NRCAM: variants seen among roughly 807,000 people sequenced by gnomAD.
NRCAM encodes the protein NgCAM-related cell adhesion molecule.
Under a neutral mutation model 156.5 loss-of-function variants are expected in NRCAM, and 83 were observed. The ratio of observed to expected loss-of-function variants is 0.53; its 90% CI spans 0.44 to 0.64. The LOEUF is 0.64. Ranked by LOEUF, NRCAM falls within the 30% of genes least tolerant of loss-of-function variation. The pLI is 0.00. For synonymous variants in NRCAM, 538 were observed against 563.9 expected (o/e 0.95, Z 0.65); for missense variants, 1,417 against 1,597.3 (o/e 0.89, Z 1.92).
At chr7:108,227,124 G>A (rs2093600899) in intron 8 of NRCAM, among the ~76,000 whole-genome samples, 1 of 152,142 alleles carries the variant, frequency 6.6e-6, no homozygotes. Flanking sequence ...TTAAGCTCCA[G>A]GACGGTGAAC....
intron 5 of NRCAM, among the ~76,000 whole-genome samples, chr7:108,235,989 C>G (rs2094941327): frequency 6.6e-6 from 1 of 152,114 alleles, no homozygotes; most frequent in South Asian, 2.1e-4. Context: ...CTTTCCTTTC[C>G]TGCTGCATTT....
chr7:108,212,334 G>T (rs1445341619), intron 11 of NRCAM, among the ~76,000 whole-genome samples: 2 of 152,094 alleles, frequency 1.3e-5, no homozygotes, highest in Admixed American at 6.5e-5. Context: ...ACTAAACAAG[G>T]ATTTTTAACA....
At chr7:108,362,983 G>A (rs1167765648) in intron 2 of NRCAM, among the ~76,000 whole-genome samples, 1 of 152,126 alleles carries the variant, frequency 6.6e-6, no homozygotes, top group African/African-American at 2.4e-5. Flanking sequence ...TGAGCCTGGA[G>A]CATCTTAAGA....
chr7:108,306,730 CAGG>C (rs1445202015), intron 3 of NRCAM, among the ~76,000 whole-genome samples: 3 of 152,126 alleles, frequency 2.0e-5, no homozygotes. Context: ...CAGAATACAG[CAGG>C]AGAAGTCACA....
chr7:108,205,337 T>A (rs998884316), intron 13 of NRCAM, among the ~76,000 whole-genome samples: 4 of 152,234 alleles, frequency 2.6e-5, no homozygotes, highest in African/African-American at 9.6e-5. Context: ...CTGTTGTTTA[T>A]AAATTACCCA....
intron 1 of NRCAM, among the ~76,000 whole-genome samples, chr7:108,436,887 C>G (rs1283160126): frequency 6.6e-6 from 1 of 152,100 alleles, no homozygotes; most frequent in East Asian, 1.9e-4. Flanking sequence ...AATAAAGCTA[C>G]TAAAAGATCC....
intron 2 of NRCAM, among the ~76,000 whole-genome samples, chr7:108,364,422 T>A (rs1054671330): frequency 1.3e-5 from 2 of 152,164 alleles, no homozygotes; most frequent in Non-Finnish European, 2.9e-5. Context: ...TAAAATGGTA[T>A]AGGCACTTTG....
intron 2 of NRCAM, among the ~76,000 whole-genome samples, chr7:108,393,707 A>G (rs1411712718): frequency 6.6e-6 from 1 of 152,110 alleles, no homozygotes; most frequent in Non-Finnish European, 1.5e-5. Flanking sequence ...AGCTGTTCCT[A>G]TTCAGCCATC....
intron 13 of NRCAM, among the ~76,000 whole-genome samples, chr7:108,207,034 T>C (rs1247629348): frequency 6.6e-6 from 1 of 152,196 alleles, no homozygotes; most frequent in Non-Finnish European, 1.5e-5. Flanking sequence ...AATGGGACGG[T>C]GACCTTGGAA....
In NRCAM at chr7:108,176,582, G is replaced by A. The variant is rs1220460141; in HGVS notation, c.2999C>T (p.Pro1000Leu). Residue 1000 changes from proline (P) to leucine (L), a missense_variant, in exon 27 of 33, where the codon CCT becomes CTT. Physicochemically the swap from Pro to Leu is moderately conservative, Grantham distance 98. Around this residue, in one of 2 missense-constraint regions of NRCAM, gnomAD observed 1,238 missense variants for 1,336.4 expected, o/e 0.93. Transcript: ENST00000379028. ...QPINSTHELG[P>L]LVDLKIPANK... Reference sequence around the variant, plus strand: ...GGCAGGAATTTTCAAATCTACCAGAGGGCCTAATTCATGTGTGCTGTTAAC... The same window carrying A: ...GGCAGGAATTTTCAAATCTACCAGAAGGCCTAATTCATGTGTGCTGTTAAC... 1 of 1,613,460 alleles carries A rather than the reference G, an allele frequency of 6.2e-7. No homozygotes were observed. Among genetic ancestry groups the A allele is most frequent in the Non-Finnish European group, 8.5e-7 (1 of 1,179,716 alleles).
rs772374105 is a variant in NRCAM at position 108,184,507 on chromosome 7, C to T, written c.2143G>A (p.Val715Met). The stretch of plus-strand genomic sequence containing the variant: ...GCCATCACGCGGAAGGAGTAGTTCA[C>T]GTAAGGAGACAGCTTCAGCTGGGCT... ...TTAQLKLSPYVNYSFRVMAVN... is the reference protein window; with the variant it reads ...TTAQLKLSPYMNYSFRVMAVN... Residue 715 changes from valine to methionine, a missense_variant, in exon 21 of 33, where the codon GTG becomes ATG. Val to Met is a conservative substitution (Grantham distance 21, BLOSUM62 1). Around this residue, in one of 2 missense-constraint regions of NRCAM, gnomAD observed 1,238 missense variants for 1,336.4 expected, o/e 0.93. Coordinates refer to ENST00000379028, the MANE Select transcript of NRCAM (RefSeq NM_001037132.4). 18 of 1,614,148 alleles carry T rather than the reference C, an allele frequency of 1.1e-5. No homozygotes were observed. The highest frequency in any genetic ancestry group is 1.5e-5 in the Non-Finnish European group (18 of 1,180,028).
intron 26 of NRCAM, among the ~76,000 whole-genome samples, chr7:108,177,025 A>C (rs1485876805): frequency 6.6e-6 from 1 of 152,188 alleles, no homozygotes; most frequent in East Asian, 1.9e-4. Context: ...GGACTCACCT[A>C]AACCCCACTC....
chr7:108,394,398 C>T (rs981492495), intron 2 of NRCAM, among the ~76,000 whole-genome samples: 2 of 152,094 alleles, frequency 1.3e-5, no homozygotes, highest in Admixed American at 1.3e-4. Context: ...CATTTTAAGG[C>T]CAAATAAGTC....
chr7:108,204,835 T>C (rs1295879366), intron 13 of NRCAM, among the ~76,000 whole-genome samples: 2 of 152,194 alleles, frequency 1.3e-5, no homozygotes, highest in Non-Finnish European at 2.9e-5. Context: ...GTCCTAACTC[T>C]TTCTTCTCTA....
At position 108,440,341 on chromosome 7, in the gene NRCAM, T is replaced by C. The variant is rs78401737; in HGVS notation, c.-332+15902A>G. ...ATATTTTACAACAAAATGTTGTCCA[T>C]AGTACCATAATTCCATTTTTTAATT... On this transcript the variant is annotated intron_variant, in intron 1 of 32. Transcript: ENST00000379028. Among the ~76,000 whole-genome samples, 657 of 152,302 alleles carry C rather than the reference T, an allele frequency of 4.3e-3. 4 individuals carry two copies. The highest frequency in any genetic ancestry group is 0.013 in the East Asian group (66 of 5,186).
At chr7:108,321,265 T>C (rs1010260948) in intron 2 of NRCAM, among the ~76,000 whole-genome samples, 4 of 152,206 alleles carry the variant, frequency 2.6e-5, no homozygotes, top group Non-Finnish European at 5.9e-5. Context: ...TACTAGTTCA[T>C]TTCCGTTGCT....
In NRCAM at chr7:108,168,314, C is replaced by A; in HGVS notation, c.3276G>T (p.Glu1092Asp). Residue 1092 changes from glutamate to aspartate, a missense_variant, in exon 29 of 33, where the codon GAG (glutamate) becomes GAT (aspartate). Glu to Asp is a conservative substitution (Grantham distance 45). Transcript: ENST00000379028. ...ANISWEYEGP[E>D]HVNFYVEYGV... ...CATATTCAACATAAAAGTTCACATGCTCTGGTCCCTCATATTCCCAACTGA... is the reference window on the plus strand; with the variant it reads ...CATATTCAACATAAAAGTTCACATGATCTGGTCCCTCATATTCCCAACTGA... 1 of 1,607,898 alleles carries A rather than the reference C, an allele frequency of 6.2e-7. No individual in the cohort carries two copies. Among genetic ancestry groups the A allele is most frequent in the Non-Finnish European group, 8.5e-7 (1 of 1,177,396 alleles).
chr7:108,334,617 T>C (rs1037102912), intron 2 of NRCAM, among the ~76,000 whole-genome samples: 1 of 152,200 alleles, frequency 6.6e-6, no homozygotes, highest in Non-Finnish European at 1.5e-5. Flanking sequence ...CAAGTCCATT[T>C]GCCCCATGAC....
chr7:108,217,685 C>G (rs752998687), intron 11 of NRCAM, among the ~76,000 whole-genome samples: 1 of 152,164 alleles, frequency 6.6e-6, no homozygotes, highest in East Asian at 1.9e-4. Flanking sequence ...AGGCTCTGCC[C>G]AGTTCAAACT....
Sources: gnomAD v4.1 joint callset for allele counts (sites outside exome capture counted in the v4.1 genomes callset) on GRCh38, gnomAD v4.1.1 for gene constraint, gnomAD v4.1.1 regional missense constraint, MANE v1.5 for transcripts, NCBI Gene and HGNC (gene_info 2026-07-23, HGNC 2026-07-21) for gene names.